RSBN1L: variants seen among roughly 807,000 people sequenced by gnomAD.
The protein encoded by RSBN1L is lysine-specific demethylase RSBN1L.
Under a neutral mutation model 67.7 loss-of-function variants are expected in RSBN1L, and 30 were observed. That is an observed-to-expected ratio of 0.44 (90% CI 0.33 to 0.60). The LOEUF is 0.60. RSBN1L is among the 20% of genes least tolerant of loss of function. RSBN1L has a pLI of 0.02. For synonymous variants in RSBN1L, 433 were observed against 387.0 expected (o/e 1.12, Z -1.39); for missense variants, 992 against 1,031.7 (o/e 0.96, Z 0.53).
intron 5 of RSBN1L, among the ~76,000 whole-genome samples, chr7:77,770,743 A>G (rs1791837657): frequency 6.6e-6 from 1 of 152,214 alleles, no homozygotes. Flanking sequence ...ATGGATATTC[A>G]TGACATTTGA....
chr7:77,736,447 A>C lies in RSBN1L; in HGVS notation c.624A>C (p.Glu208Asp). The C allele has an allele frequency of 8.7e-7, 1 of 1,146,844 alleles. No homozygotes were observed. Among genetic ancestry groups the C allele is most frequent in the East Asian group, 2.7e-5 (1 of 37,430 alleles). 71.0% of individuals were successfully genotyped at this position (1,146,844 alleles called of 1,614,324 possible). A position where few individuals can be genotyped will look rare whatever the true frequency, so the allele number is the denominator to read the frequency against. The change falls in exon 2 of 8, where the codon GAA becomes GAC. Residue 208 changes from glutamate (E) to aspartate (D), a missense_variant. Around this residue, in one of 7 missense-constraint regions of RSBN1L, gnomAD observed 575 missense variants for 483.2 expected, o/e 1.19. Transcript: ENST00000334955. ...ACAAAATTAAAGAGAGAGACAAAGA[A>C]AAAGAAAGAGAAAAAAAGAAACATA... ...IKDKIKERDK[E>D]KEREKKKHKV...
At chr7:77,718,921 G>T (rs1403673091) in intron 1 of RSBN1L, among the ~76,000 whole-genome samples, 1 of 152,168 alleles carries the variant, frequency 6.6e-6, no homozygotes, top group African/African-American at 2.4e-5. Context: ...CTTTACTCAC[G>T]TGCCTGTTGC....
At chr7:77,734,797 C>T (rs1403061256) in intron 1 of RSBN1L, among the ~76,000 whole-genome samples, 1 of 152,100 alleles carries the variant, frequency 6.6e-6, no homozygotes, top group African/African-American at 2.4e-5. Flanking sequence ...CCTGGAGTAA[C>T]ATTTTATAGC....
chr7:77,774,143 C>A (rs1157670303), intron 6 of RSBN1L, among the ~76,000 whole-genome samples: 2 of 151,938 alleles, frequency 1.3e-5, no homozygotes, highest in Non-Finnish European at 2.9e-5. Flanking sequence ...TTTCTGTATT[C>A]TTTTTTTTCC....
intron 1 of RSBN1L, among the ~76,000 whole-genome samples, chr7:77,698,931 T>C (rs985535502): frequency 2.6e-5 from 4 of 152,242 alleles, no homozygotes; most frequent in Admixed American, 6.5e-5. Context: ...GGAATACTTA[T>C]ATCTTTCTAA....
chr7:77,703,031 T>C (rs1173063472), intron 1 of RSBN1L, among the ~76,000 whole-genome samples: 1 of 152,210 alleles, frequency 6.6e-6, no homozygotes, highest in African/African-American at 2.4e-5. Flanking sequence ...AGTGAAGGGC[T>C]TGGCAGAGGT....
intron 2 of RSBN1L, among the ~76,000 whole-genome samples, chr7:77,738,091 T>C (rs1791360455): frequency 6.6e-6 from 1 of 151,340 alleles, no homozygotes; most frequent in Admixed American, 6.6e-5. Flanking sequence ...CAATAGCCAT[T>C]TTTTTTTCTG....
chr7:77,701,063 C>T (rs775250584), intron 1 of RSBN1L, among the ~76,000 whole-genome samples: 4 of 148,530 alleles, frequency 2.7e-5, no homozygotes, highest in Non-Finnish European at 5.9e-5. Flanking sequence ...GAGGCTGAGG[C>T]ATCGCTTGAA....
At position 77,780,943 on chromosome 7, in the gene RSBN1L, T is replaced by C. The variant is rs563771202; in HGVS notation, c.*1775T>C. 2.0e-5 allele frequency: 3 copies of C among 152,386 alleles called. No individual in the cohort carries two copies. Among genetic ancestry groups the C allele is most frequent in the African/African-American group, 7.2e-5 (3 of 41,600 alleles). 9.4% of individuals were successfully genotyped at this position (152,386 alleles called of 1,614,324 possible). A position where few individuals can be genotyped will look rare whatever the true frequency, so the allele number is the denominator to read the frequency against. ...CATTGCAAATCTATTTTGTTTGTTTTTGGTATTATTCTGGGCACATACTTT... is the reference window on the plus strand; with the variant it reads ...CATTGCAAATCTATTTTGTTTGTTTCTGGTATTATTCTGGGCACATACTTT... On this transcript the variant is annotated 3_prime_UTR_variant, in exon 8 of 8. Coordinates refer to ENST00000334955, the MANE Select transcript of RSBN1L (RefSeq NM_198467.3).
At chr7:77,721,021 G>A (rs563205490) in intron 1 of RSBN1L, among the ~76,000 whole-genome samples, 18 of 151,900 alleles carry the variant, frequency 1.2e-4, no homozygotes, top group East Asian at 5.8e-4. Context: ...GGATTACAGC[G>A]GTGAGCCACC....
chr7:77,736,396 G>T lies in RSBN1L; in HGVS notation c.587-14G>T. ...TTTTTTCATTTTAAATATTTCCTTT[G>T]TTTTGTCTTCCAGATAAAATCAAAG... On this transcript the variant is annotated splice_polypyrimidine_tract_variant and intron_variant, in intron 1 of 7. Transcript: ENST00000334955. 1.0e-6 allele frequency: 1 copy of T among 987,398 alleles called. No individual in the cohort carries two copies. Among genetic ancestry groups the T allele is most frequent in the Non-Finnish European group, 1.4e-6 (1 of 730,910 alleles). 61.2% of individuals were successfully genotyped at this position (987,398 alleles called of 1,614,324 possible).
rs200048410 is a variant in RSBN1L, at chr7:77,747,088, A to AT, written c.704-2335dup. On this transcript the variant is annotated intron_variant, in intron 2 of 7. Coordinates refer to ENST00000334955, the MANE Select transcript of RSBN1L (RefSeq NM_198467.3). ...TCTGGAGGACAGTGGCCCTCTTCTC[A>AT]TAGCCCCACTCTGCAGTACCCTGGT... 6.9e-3 allele frequency among the ~76,000 whole-genome samples: 1,051 copies of AT among 152,224 alleles called. 18 individuals carry two copies. The highest frequency in any genetic ancestry group is 0.024 in the African/African-American group (981 of 41,520).
chr7:77,707,731 T>C (rs1290985792), intron 1 of RSBN1L, among the ~76,000 whole-genome samples: 1 of 152,214 alleles, frequency 6.6e-6, no homozygotes, highest in African/African-American at 2.4e-5. Flanking sequence ...TCTTTCTTTT[T>C]TTAAATTATA....
intron 6 of RSBN1L, among the ~76,000 whole-genome samples, chr7:77,777,382 T>G (rs1410504873): frequency 2.6e-5 from 4 of 152,052 alleles, no homozygotes. Flanking sequence ...ATCATTTTCC[T>G]TCAGCCTGAA....
chr7:77,710,032 G>A (rs1401433929), intron 1 of RSBN1L, among the ~76,000 whole-genome samples: 1 of 152,146 alleles, frequency 6.6e-6, no homozygotes, highest in Non-Finnish European at 1.5e-5. Flanking sequence ...CATTGAACTT[G>A]TGGCCAAATC....
intron 1 of RSBN1L, among the ~76,000 whole-genome samples, chr7:77,730,566 A>G (rs867498665): frequency 6.6e-6 from 1 of 152,160 alleles, no homozygotes; most frequent in South Asian, 2.1e-4. Flanking sequence ...CCTCCTCCCC[A>G]CTATACCCTG....
rs1791983960 is a variant in RSBN1L at position 77,780,376 on chromosome 7, T to C, written c.*1208T>C. On this transcript the variant is annotated 3_prime_UTR_variant, in exon 8 of 8. Coordinates refer to ENST00000334955, the MANE Select transcript of RSBN1L (RefSeq NM_198467.3). ...TTAGAAAGTTGGGAGAAACAAGGTA[T>C]GTTAATGATAACAAAGGCTTCTAAC... 6.6e-6 allele frequency: 1 copy of C among 152,202 alleles called. No individual in the cohort carries two copies. The highest frequency in any genetic ancestry group is 2.1e-4 in the South Asian group (1 of 4,834). The allele number at this position is 152,202 out of a possible 1,614,324, so 9.4% of individuals were successfully genotyped here. A position where few individuals can be genotyped will look rare whatever the true frequency, so the allele number is the denominator to read the frequency against.
At chr7:77,734,336 TA>T (rs1791305400) in intron 1 of RSBN1L, among the ~76,000 whole-genome samples, 1 of 152,162 alleles carries the variant, frequency 6.6e-6, no homozygotes, top group Non-Finnish European at 1.5e-5. Context: ...TTGATAAGAT[TA>T]AATTGAATTA....
At chr7:77,746,614 A>C (rs1267856754) in intron 2 of RSBN1L, among the ~76,000 whole-genome samples, 3 of 152,126 alleles carry the variant, frequency 2.0e-5, no homozygotes, top group Non-Finnish European at 4.4e-5. Context: ...AGTCCCCCCA[A>C]ATCTTAACTC....
Sources: allele counts gnomAD v4.1 joint callset (sites outside exome capture counted in the v4.1 genomes callset), GRCh38; gene constraint gnomAD v4.1.1; regional missense constraint gnomAD v4.1.1; transcripts MANE v1.5; gene names NCBI Gene and HGNC (gene_info 2026-07-23, HGNC 2026-07-21).